Variants in EML2 observed in about 807,000 individuals in gnomAD.
EML2 encodes EMAP like 2, also known as echinoderm microtubule-associated protein-like 2.
EML2 carries 59 observed loss-of-function variants against 84.7 expected under a neutral mutation model. The ratio of observed to expected loss-of-function variants is 0.70; its 90% CI spans 0.56 to 0.86. The LOEUF (loss-of-function observed/expected upper bound fraction) is 0.86, where lower values mean the gene tolerates loss of function less well. Ranked by LOEUF, EML2 falls within the 40% of genes least tolerant of loss-of-function variation. The pLI, the probability that EML2 is intolerant of heterozygous loss-of-function variation, is 0.00. For missense variants in EML2, 818 were observed against 855.6 expected, an observed-to-expected ratio of 0.96 and a Z score of 0.55; for synonymous variants, 352 against 348.9, an observed-to-expected ratio of 1.01 and a Z score of -0.10.
At chr19:45,618,863 C>G (rs753816278) in intron 12 of EML2, 197 bp downstream of exon 12, 2 of 412,698 alleles carry the variant, frequency 4.8e-6, no homozygotes, top group Non-Finnish European at 8.4e-6. Context: ...AGAAGAATCA[C>G]TTGAACCCGG....
intron 1 of EML2, 151 bp from the exon 2 acceptor site, chr19:45,639,024 T>C (rs986424633): frequency 2.0e-5 from 19 of 949,724 alleles, no homozygotes; most frequent in Non-Finnish European, 8.7e-6. Flanking sequence ...GCAGGCCGTG[T>C]GCTTTGCTCG....
chr19:45,613,350 T>G (rs1438209787), intron 18 of EML2, among the ~76,000 whole-genome samples, 191 bp downstream of exon 18: 1 of 152,124 alleles, frequency 6.6e-6, no homozygotes, highest in African/African-American at 2.4e-5. Context: ...AACCAGGTCT[T>G]CACCATGACA....
chr19:45,643,747 C>T (rs538490085), upstream of EML2: 240 of 1,519,540 alleles, frequency 1.6e-4, 1 homozygote, highest in African/African-American at 2.8e-3. Context: ...GCTCCTCCCT[C>T]CTTCCCTTCG....
intron 16 of EML2, 74 bp from the exon 17 acceptor site, chr19:45,614,774 T>A: frequency 7.8e-7 from 1 of 1,281,336 alleles, no homozygotes; most frequent in Non-Finnish European, 1.1e-6. Flanking sequence ...TCTTAGACAA[T>A]CGGAGCTGAG....
intron 6 of EML2, among the ~76,000 whole-genome samples, chr19:45,630,900 G>T (rs1972952714): frequency 6.6e-6 from 1 of 152,108 alleles, no homozygotes; most frequent in African/African-American, 2.4e-5. Context: ...TATTGCCCAA[G>T]CTGGAATGCA....
At chr19:45,639,270 C>G in intron 1 of EML2, 87 bp downstream of exon 1, 1 of 1,274,358 alleles carries the variant, frequency 7.8e-7, no homozygotes, top group East Asian at 2.9e-5. Context: ...CCACGCCGGT[C>G]TGGGTCCCAG....
At chr19:45,629,837 G>T (rs1242447312) in intron 7 of EML2, 114 bp downstream of exon 7, 1 of 806,346 alleles carries the variant, frequency 1.2e-6, no homozygotes, top group Non-Finnish European at 2.1e-6. Flanking sequence ...CAGCCAGCAA[G>T]GAGTAAAGCC....
chr19:45,637,656 C>CT (rs1973898530), intron 3 of EML2, among the ~76,000 whole-genome samples: 1 of 98,840 alleles, frequency 1.0e-5, no homozygotes, highest in African/African-American at 4.0e-5. Context: ...TTTTTTTTTT[C>CT]TTTTTCTTTT....
chr19:45,609,573 C>T lies in EML2; in HGVS notation c.*90G>A. ...CCCCCATAACCCCCTCTGCTATAGA[C>T]ATACTCTGGGTATATATTACTCTAC... is the stretch of plus-strand genomic sequence containing the variant. On this transcript the variant is annotated 3_prime_UTR_variant, in exon 19 of 19. Transcript: ENST00000245925. 1 of 1,283,684 alleles carries T rather than the reference C, an allele frequency of 7.8e-7. No homozygotes were observed. The highest frequency in any genetic ancestry group is 1.0e-6 in the Non-Finnish European group (1 of 966,614). The allele number at this position is 1,283,684 out of a possible 1,614,324, so 79.5% of individuals were successfully genotyped here. A position where few individuals can be genotyped will look rare whatever the true frequency, so the allele number is the denominator to read the frequency against.
upstream of EML2, chr19:45,642,463 T>C (rs766890410): frequency 9.0e-6 from 13 of 1,447,218 alleles, no homozygotes; most frequent in Non-Finnish European, 1.2e-5. Context: ...CCCTTTCCTG[T>C]CCCGCTACCT....
intron 4 of EML2, 115 bp downstream of exon 4, chr19:45,634,207 T>C: frequency 2.1e-6 from 3 of 1,412,470 alleles, no homozygotes; most frequent in Non-Finnish European, 2.9e-6. Flanking sequence ...AGCAAAGGCT[T>C]AGCCTTGCCC....
chr19:45,644,354 C>A (rs1358395811), upstream of EML2, among the ~76,000 whole-genome samples: 4 of 152,110 alleles, frequency 2.6e-5, no homozygotes, highest in Admixed American at 1.3e-4. Context: ...GGAATGGCCA[C>A]CCTGTCATTC....
chr19:45,616,583 G>A (rs1971104641), intron 14 of EML2, 25 bp from the exon 15 acceptor site: 1 of 1,578,044 alleles, frequency 6.3e-7, no homozygotes, highest in South Asian at 1.1e-5. Flanking sequence ...GGGGGGCTAT[G>A]AGGAGGCACC....
chr19:45,632,643 C>T, intron 6 of EML2: 1 of 550,696 alleles, frequency 1.8e-6, no homozygotes, highest in Non-Finnish European at 3.3e-6. Context: ...CCAGCTGGGC[C>T]CTAGGCACTG....
At chr19:45,611,699 G>A (rs552089415) in intron 18 of EML2, among the ~76,000 whole-genome samples, 83 of 152,182 alleles carry the variant, frequency 5.5e-4, no homozygotes, top group Middle Eastern at 3.4e-3. Context: ...TGTTGGCCAG[G>A]CTAGTCTCGA....
At chr19:45,638,440 T>C in intron 3 of EML2, 65 bp downstream of exon 3, 1 of 1,608,968 alleles carries the variant, frequency 6.2e-7, no homozygotes, top group Non-Finnish European at 8.5e-7. Flanking sequence ...CTGAGCTGCC[T>C]TGACCGCCTT....
intron 3 of EML2, among the ~76,000 whole-genome samples, chr19:45,636,674 C>T (rs932015823): frequency 6.6e-6 from 1 of 152,180 alleles, no homozygotes; most frequent in Non-Finnish European, 1.5e-5. Flanking sequence ...GGGCCAAGCA[C>T]GGTGGCTCAC....
At chr19:45,620,881 G>A (rs1971605338) in intron 11 of EML2, 1 of 431,958 alleles carries the variant, frequency 2.3e-6, no homozygotes, top group South Asian at 1.8e-5. Flanking sequence ...AATCCGTGGA[G>A]CTGGAGTCTG....
intron 7 of EML2, 60 bp downstream of exon 7, chr19:45,629,891 T>G: frequency 3.8e-6 from 5 of 1,332,978 alleles, no homozygotes; most frequent in Non-Finnish European, 5.4e-6. Flanking sequence ...TCCTAACCAC[T>G]GAGATTGGGA....
Sources: allele counts gnomAD v4.1 joint callset (sites outside exome capture counted in the v4.1 genomes callset), GRCh38; gene constraint gnomAD v4.1.1; transcripts MANE v1.5; gene names NCBI Gene and HGNC (gene_info 2026-07-23, HGNC 2026-07-21).